Variants in ARMH3 observed in about 807,000 individuals in gnomAD.
The protein encoded by ARMH3 is armadillo-like helical domain-containing protein 3.
A neutral mutation model predicts 99.1 loss-of-function variants in ARMH3; 60 were observed. That is an observed-to-expected ratio of 0.61 (90% CI 0.49 to 0.75). ARMH3 has a LOEUF of 0.75. ARMH3 is among the 30% of genes least tolerant of loss of function. The pLI is 0.00. For synonymous variants in ARMH3, 285 were observed against 292.8 expected (o/e 0.97, Z 0.27); for missense variants, 679 against 843.1 (o/e 0.81, Z 2.41).
intron 1 of ARMH3, among the ~76,000 whole-genome samples, chr10:102,054,826 T>C (rs1409950698): frequency 6.6e-6 from 1 of 151,546 alleles, no homozygotes; most frequent in African/African-American, 2.4e-5. Context: ...CGAAACCCTG[T>C]CTCTACTAAA....
intron 20 of ARMH3, among the ~76,000 whole-genome samples, chr10:101,967,495 T>C (rs1426234130): frequency 6.6e-6 from 1 of 152,104 alleles, no homozygotes; most frequent in Non-Finnish European, 1.5e-5. Context: ...TCCTAACACT[T>C]TGGGAGGCCA....
At chr10:101,848,587 G>A (rs2066513468) in intron 25 of ARMH3, among the ~76,000 whole-genome samples, 1 of 152,166 alleles carries the variant, frequency 6.6e-6, no homozygotes, top group Admixed American at 6.5e-5. Flanking sequence ...GAAGTCATCA[G>A]GAAGGAAGCA....
At chr10:101,972,647 G>A (rs1366121746) in intron 20 of ARMH3, among the ~76,000 whole-genome samples, 5 of 152,176 alleles carry the variant, frequency 3.3e-5, no homozygotes, top group Non-Finnish European at 7.3e-5. Context: ...AGGATGCAAC[G>A]TTGTGTTTTG....
chr10:102,044,080 C>G (rs1564880997), intron 1 of ARMH3, among the ~76,000 whole-genome samples: 1 of 147,654 alleles, frequency 6.8e-6, no homozygotes, highest in Non-Finnish European at 1.5e-5. Context: ...CCACACCCAG[C>G]TAATTTTTTT....
intron 25 of ARMH3, 45 bp from the exon 26 acceptor site, chr10:101,847,665 G>A: frequency 6.4e-7 from 1 of 1,550,966 alleles, no homozygotes; most frequent in Non-Finnish European, 8.9e-7. Context: ...CAGCCAGAGA[G>A]AAAACAGGAG....
intron 22 of ARMH3, among the ~76,000 whole-genome samples, chr10:101,944,709 G>C (rs1403660982): frequency 6.6e-6 from 1 of 152,006 alleles, no homozygotes; most frequent in African/African-American, 2.4e-5. Flanking sequence ...AGCTACTCGG[G>C]AGGCTGAGGC....
At chr10:101,996,874 T>G (rs1297321586) in intron 15 of ARMH3, among the ~76,000 whole-genome samples, 3 of 152,142 alleles carry the variant, frequency 2.0e-5, no homozygotes, top group Admixed American at 6.5e-5. Context: ...TTTTGCCTAG[T>G]ATCTATTATA....
At chr10:101,984,790 G>A (rs544131954) in intron 19 of ARMH3, among the ~76,000 whole-genome samples, 1 of 152,098 alleles carries the variant, frequency 6.6e-6, no homozygotes, top group East Asian at 1.9e-4. Flanking sequence ...TATACTGGAG[G>A]CCAGGCACAG....
At chr10:101,903,669 A>C (rs2068032652) in intron 23 of ARMH3, among the ~76,000 whole-genome samples, 1 of 152,246 alleles carries the variant, frequency 6.6e-6, no homozygotes, top group Admixed American at 6.5e-5. Context: ...AATCAAACAA[A>C]AGAAACCTTA....
intron 24 of ARMH3, among the ~76,000 whole-genome samples, chr10:101,862,833 T>C (rs564128021): frequency 1.2e-4 from 18 of 152,310 alleles, no homozygotes; most frequent in Non-Finnish European, 2.5e-4. Context: ...ATAAGTTCAA[T>C]GTAATACTCC....
chr10:102,038,089 C>CTTT (rs949920845), intron 2 of ARMH3, among the ~76,000 whole-genome samples: 74 of 113,314 alleles, frequency 6.5e-4, no homozygotes, highest in African/African-American at 7.3e-4. Context: ...AGAAAGAATC[C>CTTT]TTTTTTTTTT....
At chr10:101,927,506 T>A (rs1034070925) in intron 23 of ARMH3, among the ~76,000 whole-genome samples, 10 of 152,208 alleles carry the variant, frequency 6.6e-5, no homozygotes, top group Non-Finnish European at 1.5e-4. Flanking sequence ...CCTTTAAATT[T>A]ACCTCAAGGT....
chr10:102,030,608 G>C (rs1403773008), intron 4 of ARMH3, among the ~76,000 whole-genome samples: 1 of 152,056 alleles, frequency 6.6e-6, no homozygotes, highest in African/African-American at 2.4e-5. Flanking sequence ...TATTCAGCAG[G>C]CTGAGGCAGG....
chr10:101,851,124 G>T (rs1308128933), intron 24 of ARMH3, among the ~76,000 whole-genome samples: 1 of 152,186 alleles, frequency 6.6e-6, no homozygotes, highest in Non-Finnish European at 1.5e-5. Context: ...CTAAGCTAGA[G>T]CCTTTATTCT....
intron 24 of ARMH3, among the ~76,000 whole-genome samples, chr10:101,860,381 CT>C (rs918022906): frequency 5.3e-5 from 8 of 152,156 alleles, no homozygotes; most frequent in Admixed American, 2.0e-4. Context: ...AGAACTTCCA[CT>C]TGATAGAGTA....
At chr10:101,903,220 T>G (rs1427322379) in intron 23 of ARMH3, among the ~76,000 whole-genome samples, 1 of 152,248 alleles carries the variant, frequency 6.6e-6, no homozygotes, top group Non-Finnish European at 1.5e-5. Context: ...TCAAGGAATC[T>G]CTGTCCCTAG....
intron 20 of ARMH3, among the ~76,000 whole-genome samples, chr10:101,962,456 A>G (rs1293136759): frequency 6.6e-6 from 1 of 152,120 alleles, no homozygotes; most frequent in Non-Finnish European, 1.5e-5. Context: ...ACTTAACTAC[A>G]GAAATCACCT....
chr10:102,037,142 G>C (rs901412151), intron 2 of ARMH3, among the ~76,000 whole-genome samples: 1 of 150,188 alleles, frequency 6.7e-6, no homozygotes, highest in African/African-American at 2.4e-5. Flanking sequence ...GTTAAGTCCT[G>C]ATCTAATAAA....
chr10:101,875,716 G>A (rs1008577509), intron 24 of ARMH3, among the ~76,000 whole-genome samples: 1 of 152,188 alleles, frequency 6.6e-6, no homozygotes, highest in Non-Finnish European at 1.5e-5. Context: ...CTCACAGTGG[G>A]TGATTAGTGA....
Sources: gnomAD v4.1 joint callset for allele counts (sites outside exome capture counted in the v4.1 genomes callset) on GRCh38, gnomAD v4.1.1 for gene constraint, MANE v1.5 for transcripts, NCBI Gene and HGNC (gene_info 2026-07-23, HGNC 2026-07-21) for gene names.